The following SGPP1 variants were observed in gnomAD, a reference collection of about 807,000 sequenced individuals.
SGPP1 encodes sphingosine-1-phosphate phosphatase 1.
SGPP1 carries 21 observed loss-of-function variants against 33.0 expected under a neutral mutation model. The observed-to-expected ratio is 0.64, with a 90% CI of 0.45 to 0.92. SGPP1 has a LOEUF of 0.92. SGPP1 is among the 40% of genes least tolerant of loss of function. The pLI, the probability that SGPP1 is intolerant of heterozygous loss-of-function variation, is 0.00. For synonymous variants in SGPP1, 239 were observed against 241.2 expected, an observed-to-expected ratio of 0.99 and a Z score of 0.08; for missense variants, 543 against 589.4, an observed-to-expected ratio of 0.92 and a Z score of 0.81.
rs1251019494 is a variant in SGPP1, at chr14:63,685,395, T to C, written c.*710A>G. On this transcript the variant is annotated 3_prime_UTR_variant, in exon 3 of 3. Coordinates refer to ENST00000247225, the MANE Select transcript of SGPP1 (RefSeq NM_030791.4). ...GCAATAAAATTCAGTACCTGAATTA[T>C]TAAACTGACATCCAGAATAGCTGCA... 6.6e-6 allele frequency: 1 copy of C among 152,482 alleles called. No individual in the cohort carries two copies. Among genetic ancestry groups the C allele is most frequent in the Non-Finnish European group, 1.5e-5 (1 of 67,930 alleles). 9.4% of individuals were successfully genotyped at this position (152,482 alleles called of 1,614,324 possible).
chr14:63,719,209 TAG>T (rs2139653641), intron 1 of SGPP1, among the ~76,000 whole-genome samples: 1 of 150,488 alleles, frequency 6.6e-6, no homozygotes, highest in South Asian at 2.1e-4. Flanking sequence ...GTATTTTTAG[TAG>T]AGACAGGGCT....
chr14:63,686,255 G>C lies in SGPP1; in HGVS notation c.1176C>G (p.Cys392Trp). Reference protein sequence around the residue: ...VMKKITIPLACKIFNIPCDDI... With the variant: ...VMKKITIPLAWKIFNIPCDDI... ...CATCACACGGTATATTGAAGATTTT[G>C]CAGGCTAAAGGAATGGTGATCTTTT... The change falls in exon 3 of 3, where the codon TGC (cysteine) becomes TGG (tryptophan). Residue 392 changes from cysteine to tryptophan, a missense_variant. Cys to Trp is a radical substitution (Grantham distance 215). Coordinates refer to ENST00000247225, the MANE Select transcript of SGPP1 (RefSeq NM_030791.4). The C allele has an allele frequency of 6.2e-7, 1 of 1,614,132 alleles. No individual in the cohort carries two copies. Among genetic ancestry groups the C allele is most frequent in the Non-Finnish European group, 8.5e-7 (1 of 1,180,026 alleles).
intron 1 of SGPP1, among the ~76,000 whole-genome samples, chr14:63,709,357 A>G (rs1232734744): frequency 1.3e-5 from 2 of 151,334 alleles, no homozygotes; most frequent in Non-Finnish European, 2.9e-5. Context: ...CTGGGCAACA[A>G]GAGGGAGTCT....
At position 63,715,076 on chromosome 14, in the gene SGPP1, G is replaced by A. The variant is rs201313178; in HGVS notation, c.684+12185C>T. Among the ~76,000 whole-genome samples the A allele has an allele frequency of 2.1e-5, 3 of 140,536 alleles. No homozygotes were observed. The East Asian group carries it at 6.2e-4, about 29-fold the overall frequency. 92.2% of individuals were successfully genotyped at this position (140,536 alleles called of 152,430 possible). A position where few individuals can be genotyped will look rare whatever the true frequency, so the allele number is the denominator to read the frequency against. On this transcript the variant is annotated intron_variant, in intron 1 of 2. Coordinates refer to ENST00000247225, the MANE Select transcript of SGPP1 (RefSeq NM_030791.4). ...GAGTGTTGCTCTTGTTGCTCATGCT[G>A]TGATTTTGGCTCACTGCAACCGCTG...
intron 1 of SGPP1, among the ~76,000 whole-genome samples, chr14:63,724,022 C>A (rs1885827657): frequency 2.0e-5 from 3 of 152,038 alleles, no homozygotes; most frequent in Admixed American, 6.6e-5. Flanking sequence ...GAACTACAGG[C>A]ATGCGCCACC....
chr14:63,723,214 A>AT lies in SGPP1; in HGVS notation c.684+4046dup, dbSNP rs1037809430. On this transcript the variant is annotated intron_variant, in intron 1 of 2. Coordinates refer to ENST00000247225, the MANE Select transcript of SGPP1 (RefSeq NM_030791.4). ...TATATCAGATGCTCCTTATTTCTTA[A>AT]TTTTTTTTCCAATTCAGGCTACAAA... is the stretch of plus-strand genomic sequence containing the variant. 5.9e-5 allele frequency among the ~76,000 whole-genome samples: 9 copies of AT among 151,876 alleles called. No homozygotes were observed. The South Asian group carries it at 6.2e-4, about 11-fold the overall frequency.
intron 1 of SGPP1, among the ~76,000 whole-genome samples, chr14:63,698,959 G>A (rs573892619): frequency 1.3e-5 from 2 of 152,258 alleles, no homozygotes; most frequent in South Asian, 4.1e-4. Flanking sequence ...AGGAGGAGGA[G>A]GACAGGTAAG....
In SGPP1 at chr14:63,686,416, T is replaced by A. The variant is rs144474145; in HGVS notation, c.1015A>T (p.Met339Leu). 1.2e-6 allele frequency: 2 copies of A among 1,614,044 alleles called. No homozygotes were observed. The highest frequency in any genetic ancestry group is 1.3e-5 in the African/African-American group (1 of 74,908). ...IACGSHVTYN[M>L]GLVLDPSLDT... ...AGAGAAGGATCTAATACTAGACCCA[T>A]GTTATAAGTAACATGAGATCCACAT... Residue 339 changes from methionine (M) to leucine (L), a missense_variant, in exon 3 of 3, where the codon ATG becomes TTG. Met to Leu is a conservative substitution (Grantham distance 15). Coordinates refer to ENST00000247225, the MANE Select transcript of SGPP1 (RefSeq NM_030791.4).
chr14:63,719,485 T>C (rs1490408409), intron 1 of SGPP1, among the ~76,000 whole-genome samples: 1 of 152,060 alleles, frequency 6.6e-6, no homozygotes, highest in Non-Finnish European at 1.5e-5. Flanking sequence ...AAAATTTAAA[T>C]GCCTATATTC....
intron 1 of SGPP1, among the ~76,000 whole-genome samples, chr14:63,708,693 T>C (rs1885465786): frequency 6.6e-6 from 1 of 152,326 alleles, no homozygotes; most frequent in South Asian, 2.1e-4. Context: ...TTATTTGACA[T>C]ACAATTTACT....
chr14:63,694,828 T>G (rs1363095676), intron 2 of SGPP1, among the ~76,000 whole-genome samples: 6 of 152,162 alleles, frequency 3.9e-5, no homozygotes, highest in African/African-American at 1.4e-4. Flanking sequence ...TATAAATAAC[T>G]CTTATACCCC....
chr14:63,723,384 G>C (rs760622134), intron 1 of SGPP1, among the ~76,000 whole-genome samples: 10 of 152,024 alleles, frequency 6.6e-5, no homozygotes, highest in Non-Finnish European at 1.3e-4. Context: ...TAATTACTTG[G>C]AGCTATACTA....
chr14:63,722,125 T>C (rs1885783583), intron 1 of SGPP1, among the ~76,000 whole-genome samples: 1 of 152,190 alleles, frequency 6.6e-6, no homozygotes, highest in Non-Finnish European at 1.5e-5. Context: ...CTCAGTTTCC[T>C]CATCTGTAAA....
chr14:63,726,182 G>C (rs1885874785), intron 1 of SGPP1, among the ~76,000 whole-genome samples: 1 of 152,150 alleles, frequency 6.6e-6, no homozygotes, highest in African/African-American at 2.4e-5. Context: ...GGATAAGTAA[G>C]CTTATCATAA....
chr14:63,727,493 C>T lies in SGPP1; in HGVS notation c.452G>A (p.Trp151Ter). 6.2e-7 allele frequency: 1 copy of T among 1,614,166 alleles called. No individual in the cohort carries two copies. Among genetic ancestry groups the T allele is most frequent in the Non-Finnish European group, 8.5e-7 (1 of 1,180,034 alleles). Residue 151 changes from tryptophan (W) to a stop codon, truncating the protein, a stop_gained, in exon 1 of 3, where the codon TGG becomes TAG. Transcript: ENST00000247225. LOFTEE classifies it high-confidence loss of function. The stretch of plus-strand genomic sequence containing the variant: ...CACCAGAGGGTCCAGGTTCCAGATC[C>T]AGAAGGGGAAGAACAGGATGTAGAA... Reference protein sequence around the residue: ...ELFYILFFPFWIWNLDPLVGR... With the variant: ...ELFYILFFPF
At chr14:63,695,192 G>A (rs1885162672) in intron 2 of SGPP1, among the ~76,000 whole-genome samples, 1 of 152,144 alleles carries the variant, frequency 6.6e-6, no homozygotes, top group Admixed American at 6.5e-5. Flanking sequence ...CAGTAGCTGG[G>A]ACTACAGGCG....
intron 1 of SGPP1, among the ~76,000 whole-genome samples, chr14:63,724,616 T>TAAAAA (rs34386504): frequency 1.2e-5 from 1 of 85,002 alleles, no homozygotes; most frequent in African/African-American, 4.7e-5. Context: ...CAAGGATCTT[T>TAAAAA]AAAAAAAAAA....
intron 2 of SGPP1, among the ~76,000 whole-genome samples, chr14:63,688,315 C>CAAAAAAAAA (rs71120275): frequency 6.4e-5 from 2 of 31,412 alleles, no homozygotes; most frequent in African/African-American, 9.9e-5. Flanking sequence ...GACTCTGTCT[C>CAAAAAAAAA]AAAAAAAAAA....
Position 63,684,978 on chromosome 14 carries a change from C to T in SGPP1, c.*1127G>A, listed in dbSNP as rs138628642. On this transcript the variant is annotated 3_prime_UTR_variant, in exon 3 of 3. Transcript: ENST00000247225. ...ATTATTTAGAAAAATGCTTTGTTTACATATGAAGTATGTGCATTGTCCCAT... is the reference window on the plus strand; with the variant it reads ...ATTATTTAGAAAAATGCTTTGTTTATATATGAAGTATGTGCATTGTCCCAT... The T allele has an allele frequency of 6.6e-6, 1 of 152,060 alleles. No homozygotes were observed. Among genetic ancestry groups the T allele is most frequent in the South Asian group, 2.1e-4 (1 of 4,832 alleles). 9.4% of individuals were successfully genotyped at this position (152,060 alleles called of 1,614,324 possible). A position where few individuals can be genotyped will look rare whatever the true frequency, so the allele number is the denominator to read the frequency against.
Sources: allele counts gnomAD v4.1 joint callset (sites outside exome capture counted in the v4.1 genomes callset), GRCh38; gene constraint gnomAD v4.1.1; transcripts MANE v1.5; gene names NCBI Gene and HGNC (gene_info 2026-07-23, HGNC 2026-07-21).